NEGR1: variants seen among roughly 807,000 people sequenced by gnomAD.
NEGR1 encodes the protein IgLON family member 4.
A neutral mutation model predicts 40.9 loss-of-function variants in NEGR1; 10 were observed. The observed-to-expected ratio is 0.24, with a 90% CI of 0.15 to 0.42. The LOEUF (loss-of-function observed/expected upper bound fraction) is 0.42. NEGR1 is among the 10% of genes least tolerant of loss of function. The pLI, the probability that NEGR1 is intolerant of heterozygous loss-of-function variation, is 1.00. For missense variants in NEGR1, 352 were observed against 438.9 expected (o/e 0.80, Z 1.77); for synonymous variants, 185 against 166.8 (o/e 1.11, Z -0.84).
intron 4 of NEGR1, among the ~76,000 whole-genome samples, chr1:71,682,836 C>A (rs1183158926): frequency 6.6e-6 from 1 of 152,102 alleles, no homozygotes; most frequent in Non-Finnish European, 1.5e-5. Flanking sequence ...ATCAGGATAA[C>A]TGATTGTTCA....
intron 2 of NEGR1, among the ~76,000 whole-genome samples, chr1:71,851,196 A>T (rs1291181602): frequency 6.6e-6 from 1 of 152,286 alleles, no homozygotes; most frequent in Non-Finnish European, 1.5e-5. Flanking sequence ...TTTTTATGCA[A>T]TGTGTTACCA....
chr1:72,168,710 CA>C (rs988227723), intron 1 of NEGR1, among the ~76,000 whole-genome samples: 1 of 151,886 alleles, frequency 6.6e-6, no homozygotes, highest in Non-Finnish European at 1.5e-5. Context: ...GGCAACAAGG[CA>C]AAAACCTGTC....
intron 1 of NEGR1, among the ~76,000 whole-genome samples, chr1:71,975,581 G>T (rs1434257925): frequency 6.6e-6 from 1 of 152,160 alleles, no homozygotes; most frequent in Non-Finnish European, 1.5e-5. Flanking sequence ...TCTATGTAAT[G>T]AAATCAACAC....
intron 6 of NEGR1, among the ~76,000 whole-genome samples, chr1:71,418,407 G>A (rs964389086): frequency 1.3e-5 from 2 of 151,688 alleles, no homozygotes; most frequent in Admixed American, 6.6e-5. Context: ...TCTGCCTCTC[G>A]GGTTCACGCC....
intron 6 of NEGR1, among the ~76,000 whole-genome samples, chr1:71,438,133 G>C (rs1646521500): frequency 6.6e-6 from 1 of 152,182 alleles, no homozygotes; most frequent in African/African-American, 2.4e-5. Context: ...CATGTAAACT[G>C]TTTGGATGGC....
chr1:71,954,487 T>A (rs1646100295), intron 1 of NEGR1, among the ~76,000 whole-genome samples: 1 of 151,896 alleles, frequency 6.6e-6, no homozygotes, highest in African/African-American at 2.4e-5. Context: ...GAATTTAAAT[T>A]ATCATAGTAA....
intron 1 of NEGR1, among the ~76,000 whole-genome samples, chr1:71,942,177 A>G (rs1376116299): frequency 6.6e-6 from 1 of 151,084 alleles, no homozygotes; most frequent in African/African-American, 2.4e-5. Flanking sequence ...AATTTGGGAT[A>G]ATATGCTTAT....
At chr1:71,408,135 A>G (rs1311416978) in intron 6 of NEGR1, among the ~76,000 whole-genome samples, 1 of 152,042 alleles carries the variant, frequency 6.6e-6, no homozygotes, top group Admixed American at 6.6e-5. Flanking sequence ...TTGCCTGGGT[A>G]AGGGAGATTT....
At chr1:71,548,868 T>C (rs925290790) in intron 6 of NEGR1, among the ~76,000 whole-genome samples, 1 of 151,716 alleles carries the variant, frequency 6.6e-6, no homozygotes, top group Non-Finnish European at 1.5e-5. Flanking sequence ...TGCGACTTTG[T>C]AGAGCTGAAT....
At chr1:71,612,632 T>C (rs1404722685) in intron 4 of NEGR1, among the ~76,000 whole-genome samples, 2 of 152,166 alleles carry the variant, frequency 1.3e-5, no homozygotes, top group Non-Finnish European at 2.9e-5. Context: ...ACCCTTATAG[T>C]TGCAAGGTAA....
chr1:71,649,571 G>T (rs1053916738), intron 4 of NEGR1, among the ~76,000 whole-genome samples: 1 of 152,086 alleles, frequency 6.6e-6, no homozygotes, highest in African/African-American at 2.4e-5. Context: ...AAAGTAGGAA[G>T]GGTGAAAAAC....
At chr1:71,809,292 AG>A (rs1051838426) in intron 2 of NEGR1, among the ~76,000 whole-genome samples, 1 of 152,180 alleles carries the variant, frequency 6.6e-6, no homozygotes, top group Non-Finnish European at 1.5e-5. Context: ...CAGATATAAT[AG>A]GCCTTGGTCT....
At chr1:71,801,133 C>T (rs1021187584) in intron 2 of NEGR1, among the ~76,000 whole-genome samples, 4 of 152,054 alleles carry the variant, frequency 2.6e-5, no homozygotes, top group Admixed American at 6.6e-5. Flanking sequence ...CACTTTGTTC[C>T]CCTTGAAACA....
chr1:71,574,351 T>C (rs1648895665), intron 6 of NEGR1, among the ~76,000 whole-genome samples: 1 of 152,146 alleles, frequency 6.6e-6, no homozygotes, highest in Admixed American at 6.5e-5. Flanking sequence ...ATCAGTGAGA[T>C]TGTGGCAAGC....
intron 3 of NEGR1, among the ~76,000 whole-genome samples, chr1:71,758,522 A>T (rs1198347599): frequency 1.3e-5 from 2 of 152,122 alleles, no homozygotes; most frequent in African/African-American, 4.8e-5. Flanking sequence ...ATAGTCCAAG[A>T]TTATTATAAT....
chr1:72,152,861 C>A (rs2422136), intron 1 of NEGR1, among the ~76,000 whole-genome samples: 77,560 of 151,594 alleles, frequency 0.51, 20,683 homozygotes, highest in East Asian at 0.84. Context: ...GGGTCAAATC[C>A]TAAGTAAATT....
At chr1:71,627,387 G>C (rs1210178145) in intron 4 of NEGR1, among the ~76,000 whole-genome samples, 1 of 151,796 alleles carries the variant, frequency 6.6e-6, no homozygotes, top group African/African-American at 2.4e-5. Flanking sequence ...ATATATCTGG[G>C]CATCGGAGTT....
intron 2 of NEGR1, among the ~76,000 whole-genome samples, chr1:71,822,800 G>A (rs1658478785): frequency 2.0e-5 from 3 of 151,994 alleles, no homozygotes; most frequent in African/African-American, 2.4e-5. Flanking sequence ...CCATTCACAA[G>A]GGCTCCTCTT....
intron 3 of NEGR1, among the ~76,000 whole-genome samples, chr1:71,743,806 G>C (rs894903410): frequency 3.3e-5 from 5 of 152,080 alleles, no homozygotes; most frequent in African/African-American, 7.2e-5. Flanking sequence ...TTACCTAATT[G>C]GTACTTAGGT....
Sources: allele counts gnomAD v4.1 joint callset (sites outside exome capture counted in the v4.1 genomes callset), GRCh38; gene constraint gnomAD v4.1.1; transcripts MANE v1.5; gene names NCBI Gene and HGNC (gene_info 2026-07-23, HGNC 2026-07-21).